DENND1A: variants seen among roughly 807,000 people sequenced by gnomAD.
DENND1A encodes DENN domain-containing protein 1A.
In DENND1A, 51 loss-of-function variants were observed where a neutral mutation model predicts 113.7. That is an observed-to-expected ratio of 0.45 (90% CI 0.36 to 0.57). DENND1A has a LOEUF of 0.57. Among genes scored for constraint, DENND1A ranks in the 20% least tolerant of loss-of-function variants. The pLI is 0.00. For synonymous variants in DENND1A, 565 were observed against 570.8 expected (o/e 0.99, Z 0.14); for missense variants, 1,258 against 1,395.9 (o/e 0.90, Z 1.57).
intron 1 of DENND1A, among the ~76,000 whole-genome samples, chr9:123,888,938 T>C (rs1849492121): frequency 6.7e-6 from 1 of 148,610 alleles, no homozygotes; most frequent in Non-Finnish European, 1.5e-5. Flanking sequence ...ATGCATCAGG[T>C]CAATACCGTG....
At chr9:123,916,579 G>A (rs1471760109) in intron 1 of DENND1A, among the ~76,000 whole-genome samples, 3 of 151,996 alleles carry the variant, frequency 2.0e-5, no homozygotes, top group Non-Finnish European at 4.4e-5. Flanking sequence ...CTCCATGTGG[G>A]TCAGGCTGGT....
chr9:123,746,402 A>G (rs191218201), intron 5 of DENND1A, among the ~76,000 whole-genome samples: 12 of 152,346 alleles, frequency 7.9e-5, no homozygotes, highest in Non-Finnish European at 1.6e-4. Context: ...AAAAAAAATC[A>G]AAGTATAGCA....
At chr9:123,768,316 T>A (rs1829164322) in intron 4 of DENND1A, among the ~76,000 whole-genome samples, 1 of 152,202 alleles carries the variant, frequency 6.6e-6, no homozygotes, top group Non-Finnish European at 1.5e-5. Context: ...TAGTACCTTT[T>A]AAACTCCTTT....
At position 123,395,978 on chromosome 9, in the gene DENND1A, GGTGT is replaced by G. The variant is rs147013216; in HGVS notation, c.1631+7420_1631+7423del. On this transcript the variant is annotated intron_variant, in intron 21 of 23. Transcript: ENST00000394215. ...GAGCTCACAGACTACTGGTGTGCCTGGTGTGTGTGTGTGTGTGTGCACGCGTGTG... is the reference window on the plus strand; with the variant it reads ...GAGCTCACAGACTACTGGTGTGCCTGGTGTGTGTGTGTGTGCACGCGTGTG... Among the ~76,000 whole-genome samples the G allele has an allele frequency of 7.3e-5, 11 of 150,024 alleles. No homozygotes were observed. The East Asian group carries it at 1.4e-3, about 19-fold the overall frequency.
rs113800327 is a variant in DENND1A at position 123,895,571 on chromosome 9, G to A, written c.18-16550C>T. 5.1e-3 allele frequency among the ~76,000 whole-genome samples: 770 copies of A among 150,764 alleles called. 8 individuals carry two copies. Among genetic ancestry groups the A allele is most frequent in the African/African-American group, 0.017 (693 of 40,952 alleles). ...CAGGAGGTGGAGGTGGCACTGAGCC[G>A]AGATTATGCCACTGCACACCAGCCT... is the stretch of plus-strand genomic sequence containing the variant. On this transcript the variant is annotated intron_variant, in intron 1 of 23. Transcript: ENST00000394215.
chr9:123,906,076 T>C (rs2133962403), intron 1 of DENND1A, among the ~76,000 whole-genome samples: 1 of 152,030 alleles, frequency 6.6e-6, no homozygotes, highest in South Asian at 2.1e-4. Context: ...CTCAACTACA[T>C]GGAAACTGAA....
chr9:123,743,508 C>T (rs751425706), intron 5 of DENND1A, among the ~76,000 whole-genome samples: 12 of 151,906 alleles, frequency 7.9e-5, no homozygotes, highest in Admixed American at 7.9e-4. Flanking sequence ...GGGGTGGGTG[C>T]ATCACCTGAG....
chr9:123,728,408 C>CT (rs2067871516), intron 5 of DENND1A, among the ~76,000 whole-genome samples: 1 of 134,982 alleles, frequency 7.4e-6, no homozygotes, highest in African/African-American at 2.8e-5. Context: ...ACCCAGGAGG[C>CT]AGAGGTTACA....
At chr9:123,594,273 C>CA (rs1404518489) in intron 11 of DENND1A, among the ~76,000 whole-genome samples, 1 of 152,138 alleles carries the variant, frequency 6.6e-6, no homozygotes, top group African/African-American at 2.4e-5. Context: ...TACTGACACA[C>CA]ACAACAACAA....
chr9:123,425,361 G>C (rs1349283562), intron 19 of DENND1A, among the ~76,000 whole-genome samples: 1 of 152,268 alleles, frequency 6.6e-6, no homozygotes, highest in Non-Finnish European at 1.5e-5. Context: ...TCCTTTGGCA[G>C]AGAAGCCCCG....
At chr9:123,705,532 C>G (rs2066140144) in intron 5 of DENND1A, among the ~76,000 whole-genome samples, 1 of 151,694 alleles carries the variant, frequency 6.6e-6, no homozygotes, top group African/African-American at 2.4e-5. Flanking sequence ...AACACGAGAA[C>G]AGAAAAATGT....
In DENND1A at chr9:123,856,387, C is replaced by T. The variant is rs150441286; in HGVS notation, c.88+22564G>A. Among the ~76,000 whole-genome samples the T allele has an allele frequency of 4.6e-5, 7 of 152,068 alleles. No homozygotes were observed. The East Asian group carries it at 1.4e-3, about 30-fold the overall frequency. ...AGAACCCAATTGTGACAAGGGTGCC[C>T]ACAGAGGAGAGTGAACTAGTGTGGG... On this transcript the variant is annotated intron_variant, in intron 2 of 23. Coordinates refer to ENST00000394215, the MANE Select transcript of DENND1A (RefSeq NM_001352964.2).
chr9:123,429,784 G>C (rs1588486612), intron 19 of DENND1A, among the ~76,000 whole-genome samples: 1 of 152,172 alleles, frequency 6.6e-6, no homozygotes, highest in Non-Finnish European at 1.5e-5. Context: ...ACATAGGTAT[G>C]GGCAAAAATT....
intron 13 of DENND1A, among the ~76,000 whole-genome samples, chr9:123,546,976 C>T (rs2056741882): frequency 6.6e-6 from 1 of 152,162 alleles, no homozygotes; most frequent in East Asian, 1.9e-4. Flanking sequence ...CCTGCTAGTT[C>T]CCATCTTCTC....
intron 13 of DENND1A, among the ~76,000 whole-genome samples, chr9:123,508,531 A>G (rs2053167805): frequency 6.6e-6 from 1 of 152,216 alleles, no homozygotes; most frequent in African/African-American, 2.4e-5. Flanking sequence ...TTTTCTTGTA[A>G]TTGTGCCATG....
intron 5 of DENND1A, among the ~76,000 whole-genome samples, chr9:123,691,380 C>T (rs2065179551): frequency 6.6e-6 from 1 of 152,186 alleles, no homozygotes; most frequent in Non-Finnish European, 1.5e-5. Flanking sequence ...CTCCACTAGA[C>T]TGTAGTATCA....
At chr9:123,918,299 T>C (rs560041169) in intron 1 of DENND1A, among the ~76,000 whole-genome samples, 63 of 150,350 alleles carry the variant, frequency 4.2e-4, no homozygotes, top group African/African-American at 1.5e-3. Flanking sequence ...CCATCCTGGC[T>C]AACACGGTGA....
intron 20 of DENND1A, among the ~76,000 whole-genome samples, chr9:123,409,567 C>A (rs2044143560): frequency 2.0e-5 from 3 of 151,634 alleles, no homozygotes; most frequent in African/African-American, 7.3e-5. Context: ...ACCACAGGTT[C>A]TAGAGTCCAG....
chr9:123,704,088 C>T (rs1470543192), intron 5 of DENND1A, among the ~76,000 whole-genome samples: 1 of 151,782 alleles, frequency 6.6e-6, no homozygotes, highest in Non-Finnish European at 1.5e-5. Context: ...TTTTCATGTA[C>T]CATCTTTAAA....
Sources: gnomAD v4.1 joint callset for allele counts (sites outside exome capture counted in the v4.1 genomes callset) on GRCh38, gnomAD v4.1.1 for gene constraint, MANE v1.5 for transcripts, NCBI Gene and HGNC (gene_info 2026-07-23, HGNC 2026-07-21) for gene names.